Variants in FBXO10 observed in about 807,000 individuals in gnomAD.
The protein encoded by FBXO10 is F-box only protein 10.
A neutral mutation model predicts 80.7 loss-of-function variants in FBXO10; 39 were observed. The observed-to-expected ratio is 0.48, with a 90% confidence interval of 0.37 to 0.63. The LOEUF (loss-of-function observed/expected upper bound fraction) is 0.63. Ranked by LOEUF, FBXO10 falls within the 30% of genes least tolerant of loss-of-function variation. FBXO10 has a pLI of 0.00. For synonymous variants in FBXO10, 449 were observed against 489.6 expected, an observed-to-expected ratio of 0.92 and a Z score of 1.09; for missense variants, 1,025 against 1,269.0, an observed-to-expected ratio of 0.81 and a Z score of 2.92.
rs772371696 is a variant in FBXO10, at chr9:37,518,080, G to T, written c.2514+45C>A. The T allele has an allele frequency of 1.9e-6, 3 of 1,563,034 alleles. No homozygotes were observed. The Admixed American group carries it at 5.3e-5, about 27-fold the overall frequency. ...GCCACGAGGACTATCCCAGGGTTGT[G>T]CCCTGTGTGGGCACCACACGTCACA... On this transcript the variant is annotated intron_variant, in intron 9 of 10. Coordinates refer to ENST00000432825, the MANE Select transcript of FBXO10 (RefSeq NM_012166.3).
At chr9:37,535,476 C>T (rs576074233) in intron 3 of FBXO10, among the ~76,000 whole-genome samples, 26 of 152,208 alleles carry the variant, frequency 1.7e-4, no homozygotes, top group African/African-American at 6.0e-4. Flanking sequence ...CTCAGCCTCC[C>T]GAGTAGCTGG....
intron 8 of FBXO10, 138 bp downstream of exon 8, chr9:37,521,431 C>T: frequency 9.0e-7 from 1 of 1,110,600 alleles, no homozygotes; most frequent in East Asian, 2.8e-5. Context: ...GATTTTTCTG[C>T]CCTACCCAGG....
chr9:37,515,853 G>C (rs1467802080), intron 10 of FBXO10, 51 bp downstream of exon 10: 3 of 1,571,868 alleles, frequency 1.9e-6, no homozygotes, highest in Non-Finnish European at 2.6e-6. Context: ...GCTTCTTCAG[G>C]GAGCTTACTG....
intron 3 of FBXO10, among the ~76,000 whole-genome samples, chr9:37,532,294 CTT>C (rs869146793): frequency 7.7e-4 from 79 of 102,392 alleles, no homozygotes; most frequent in African/African-American, 2.7e-3. Context: ...CACATTGGTT[CTT>C]TTTTTTTTTT....
At position 37,555,380 on chromosome 9, in the gene FBXO10, C is replaced by CT. The variant is rs56270239; in HGVS notation, c.-6-13607dup. ...TGAAGTACTTGTTCAAATCTTTTGT[C>CT]TTTTTTTTTTCAGACGGAGTTTTGC... On this transcript the variant is annotated intron_variant, in intron 1 of 10. Transcript: ENST00000432825. Among the ~76,000 whole-genome samples the CT allele has an allele frequency of 5.2e-3, 779 of 148,882 alleles. 23 individuals are homozygous for CT. The East Asian group carries it at 0.081, about 15-fold the overall frequency.
chr9:37,566,838 G>T lies in FBXO10; in HGVS notation c.-7+9373C>A, dbSNP rs554951536. ...TCTTCAAACCGTAGCTCTCTTCAGC[G>T]TGAGAAATAACCATCTGTTTCTTAT... On this transcript the variant is annotated intron_variant, in intron 1 of 10. Transcript: ENST00000432825. 2.1e-4 allele frequency among the ~76,000 whole-genome samples: 32 copies of T among 152,298 alleles called. No homozygotes were observed. In the South Asian group the frequency reaches 6.6e-3, roughly 32 times the overall value.
intron 3 of FBXO10, among the ~76,000 whole-genome samples, chr9:37,535,104 C>T (rs989658769): frequency 9.2e-5 from 14 of 152,126 alleles, no homozygotes; most frequent in African/African-American, 2.9e-4. Flanking sequence ...AAAACTAGCA[C>T]GAGGTAATGC....
At chr9:37,575,655 T>G (rs1195244234) in intron 1 of FBXO10, 2 of 152,242 alleles carry the variant, frequency 1.3e-5, no homozygotes, top group Non-Finnish European at 2.9e-5. Flanking sequence ...TGTTCTTCAC[T>G]GTAGTCCTAA....
At chr9:37,554,942 T>G (rs1409436894) in intron 1 of FBXO10, among the ~76,000 whole-genome samples, 1 of 152,244 alleles carries the variant, frequency 6.6e-6, no homozygotes, top group African/African-American at 2.4e-5. Context: ...TAATTTTTCT[T>G]GAGTCAATAC....
At chr9:37,538,546 A>G (rs1364875900) in intron 2 of FBXO10, among the ~76,000 whole-genome samples, 2 of 152,068 alleles carry the variant, frequency 1.3e-5, no homozygotes, top group Non-Finnish European at 2.9e-5. Context: ...CATCTCCACT[A>G]AAAATACAAA....
chr9:37,546,108 T>G (rs1328283287), intron 1 of FBXO10, among the ~76,000 whole-genome samples: 1 of 151,046 alleles, frequency 6.6e-6, no homozygotes, highest in Non-Finnish European at 1.5e-5. Flanking sequence ...ATCACACCAC[T>G]GCACTCCAGC....
chr9:37,542,850 G>A (rs1285141222), intron 1 of FBXO10, among the ~76,000 whole-genome samples: 1 of 152,188 alleles, frequency 6.6e-6, no homozygotes. Flanking sequence ...GCTCAAGCTA[G>A]TTTGATTTGG....
intron 1 of FBXO10, among the ~76,000 whole-genome samples, chr9:37,547,358 G>C (rs954610791): frequency 2.0e-5 from 3 of 152,202 alleles, no homozygotes; most frequent in Non-Finnish European, 4.4e-5. Flanking sequence ...GGGAGGTCCA[G>C]GTAGGTGGAC....
chr9:37,559,494 T>A (rs1252818681), intron 1 of FBXO10, among the ~76,000 whole-genome samples: 1 of 152,210 alleles, frequency 6.6e-6, no homozygotes, highest in African/African-American at 2.4e-5. Flanking sequence ...ATTGGGGACC[T>A]TGATAGCACC....
intron 4 of FBXO10, among the ~76,000 whole-genome samples, chr9:37,531,535 A>T (rs1821623238): frequency 2.0e-5 from 3 of 152,182 alleles, no homozygotes; most frequent in Non-Finnish European, 4.4e-5. Context: ...TGAATAAACT[A>T]ACTTGGTGGG....
rs372828928 is a variant in FBXO10 at position 37,564,494 on chromosome 9, C to T, written c.-7+11717G>A. 2.0e-3 allele frequency among the ~76,000 whole-genome samples: 307 copies of T among 152,266 alleles called. 2 individuals are homozygous for T. Among genetic ancestry groups the T allele is most frequent in the African/African-American group, 7.0e-3 (290 of 41,546 alleles). ...GCCTGGAAAAGCTGCAGACACTCAA[C>T]ACCAGCCTGTGAAAGCAGCCAGGAG... On this transcript the variant is annotated intron_variant, in intron 1 of 10. Coordinates refer to ENST00000432825, the MANE Select transcript of FBXO10 (RefSeq NM_012166.3).
rs1330672642 is a variant in FBXO10, at chr9:37,521,943, C to T, written c.1931-105G>A. 3.3e-5 allele frequency: 43 copies of T among 1,322,946 alleles called. No homozygotes were observed. In the East Asian group the frequency reaches 1.1e-3, roughly 33 times the overall value. The allele number at this position is 1,322,946 out of a possible 1,614,324, so 82.0% of individuals were successfully genotyped here. ...AAGCCACTGGCCTGGGAGAGAGTCC[C>T]TGCCTTGCTAATGACCTCGGACAAG... On this transcript the variant is annotated intron_variant, in intron 7 of 10. Coordinates refer to ENST00000432825, the MANE Select transcript of FBXO10 (RefSeq NM_012166.3).
chr9:37,561,224 G>C (rs751055776), intron 1 of FBXO10, among the ~76,000 whole-genome samples: 5 of 148,840 alleles, frequency 3.4e-5, no homozygotes, highest in Admixed American at 6.7e-5. Flanking sequence ...GTGTTGCCCA[G>C]GCTGGAGTAC....
rs1821350139 is a variant in FBXO10, at chr9:37,521,685, AAG to A, written c.2082_2083del (p.Phe695GlnfsTer30). 6.2e-7 allele frequency: 1 copy of A among 1,613,918 alleles called. No individual in the cohort carries two copies. The highest frequency in any genetic ancestry group is 8.5e-7 in the Non-Finnish European group (1 of 1,179,876). On this transcript the variant is annotated frameshift_variant, in exon 8 of 11. Transcript: ENST00000432825. LOFTEE classifies it high-confidence loss of function. ...GAGGATGGCGTCCCCATCCTCGCTG[AAG>A]TTCTCTTGAGCCCTGTGGCCTCGAG...
Sources: allele counts gnomAD v4.1 joint callset (sites outside exome capture counted in the v4.1 genomes callset), GRCh38; gene constraint gnomAD v4.1.1; transcripts MANE v1.5; gene names NCBI Gene and HGNC (gene_info 2026-07-23, HGNC 2026-07-21).